Variants in KLHL32 observed in about 807,000 individuals in gnomAD.
KLHL32 encodes the protein kelch-like protein 32.
KLHL32 carries 35 observed loss-of-function variants against 64.8 expected under a neutral mutation model. That is an observed-to-expected ratio of 0.54 (90% CI 0.41 to 0.72). The LOEUF is 0.72. Among genes scored for constraint, KLHL32 ranks in the 30% least tolerant of loss-of-function variants. KLHL32 has a pLI of 0.00. For synonymous variants in KLHL32, 259 were observed against 281.0 expected (o/e 0.92, Z 0.78); for missense variants, 589 against 768.5 (o/e 0.77, Z 2.76).
At chr6:97,023,921 T>C (rs1782359492) in intron 3 of KLHL32, among the ~76,000 whole-genome samples, 1 of 152,176 alleles carries the variant, frequency 6.6e-6, no homozygotes, top group African/African-American at 2.4e-5. Context: ...CCTAAAGCAA[T>C]TGTGACTTTT....
At chr6:97,039,523 G>T (rs1784805428) in intron 3 of KLHL32, among the ~76,000 whole-genome samples, 1 of 104,950 alleles carries the variant, frequency 9.5e-6, no homozygotes, top group Non-Finnish European at 2.0e-5. Flanking sequence ...TTGTACACTT[G>T]AAAATAGCTA....
the KLHL32 span, among the ~76,000 whole-genome samples, chr6:96,910,572 T>C: frequency 6.6e-6 from 1 of 152,244 alleles, no homozygotes; most frequent in Non-Finnish European, 1.5e-5. Context: ...ATATGTTTAA[T>C]TGTACTTAAT....
chr6:97,027,976 G>A (rs1036581727), intron 3 of KLHL32, among the ~76,000 whole-genome samples: 4 of 152,162 alleles, frequency 2.6e-5, no homozygotes, highest in Non-Finnish European at 5.9e-5. Context: ...CTATCAAGAG[G>A]GTGATTGGAA....
At chr6:97,019,674 A>G (rs1267125666) in intron 3 of KLHL32, among the ~76,000 whole-genome samples, 2 of 152,198 alleles carry the variant, frequency 1.3e-5, no homozygotes, top group Non-Finnish European at 2.9e-5. Context: ...GCATTTATTT[A>G]AAAATAGGAG....
chr6:96,963,931 A>C (rs971692544), intron 1 of KLHL32, among the ~76,000 whole-genome samples: 27 of 152,214 alleles, frequency 1.8e-4, no homozygotes, highest in African/African-American at 6.5e-4. Context: ...GTAGATGATC[A>C]CAGTTGAAAG....
chr6:97,047,752 G>A (rs184326218), intron 4 of KLHL32, among the ~76,000 whole-genome samples: 1 of 152,302 alleles, frequency 6.6e-6, no homozygotes, highest in East Asian at 1.9e-4. Flanking sequence ...CCACCCAGGA[G>A]CAGGCAGGTG....
chr6:97,096,374 A>G (rs1562332240), intron 6 of KLHL32, among the ~76,000 whole-genome samples: 1 of 152,210 alleles, frequency 6.6e-6, no homozygotes, highest in Non-Finnish European at 1.5e-5. Context: ...CCTAAATCAT[A>G]ATACTCCCAC....
At chr6:96,910,528 T>A in the KLHL32 span, among the ~76,000 whole-genome samples, 2 of 152,374 alleles carry the variant, frequency 1.3e-5, no homozygotes, top group African/African-American at 4.8e-5. Context: ...CCTCCACATA[T>A]CTACAGCACT....
chr6:97,081,145 G>T (rs1426329290), intron 5 of KLHL32, among the ~76,000 whole-genome samples: 3 of 152,214 alleles, frequency 2.0e-5, no homozygotes, highest in Non-Finnish European at 4.4e-5. Context: ...AAGCCCCAGG[G>T]TTGGTGAGGA....
chr6:97,106,698 T>G (rs1295414704), intron 6 of KLHL32, among the ~76,000 whole-genome samples: 1 of 151,108 alleles, frequency 6.6e-6, no homozygotes, highest in African/African-American at 2.4e-5. Context: ...GAGCTGAGAT[T>G]GCGCCACTGC....
At chr6:96,910,656 G>T in the KLHL32 span, among the ~76,000 whole-genome samples, 1 of 152,148 alleles carries the variant, frequency 6.6e-6, no homozygotes, top group Non-Finnish European at 1.5e-5. Context: ...AAAATCAATT[G>T]TATCTTAATG....
intron 1 of KLHL32, among the ~76,000 whole-genome samples, chr6:96,947,275 C>T (rs986143864): frequency 6.6e-6 from 1 of 152,198 alleles, no homozygotes; most frequent in Non-Finnish European, 1.5e-5. Flanking sequence ...CCTGTGTAAG[C>T]CTGAAGCTCA....
chr6:97,042,604 A>G (rs1785290047), intron 4 of KLHL32, among the ~76,000 whole-genome samples: 2 of 140,304 alleles, frequency 1.4e-5, no homozygotes, highest in African/African-American at 6.1e-5. Context: ...TAACAAATTT[A>G]TCACCTCACC....
intron 5 of KLHL32, among the ~76,000 whole-genome samples, chr6:97,079,811 A>G (rs1465501448): frequency 6.6e-6 from 1 of 152,198 alleles, no homozygotes; most frequent in African/African-American, 2.4e-5. Context: ...ATAATTCTGA[A>G]TAGAAACTAA....
At chr6:96,982,125 G>T (rs1476882759) in intron 3 of KLHL32, among the ~76,000 whole-genome samples, 3 of 152,098 alleles carry the variant, frequency 2.0e-5, no homozygotes. Context: ...CTGCCTCAAT[G>T]ATCTATCTAA....
chr6:97,035,311 C>T (rs940512468), intron 3 of KLHL32, among the ~76,000 whole-genome samples: 3 of 152,006 alleles, frequency 2.0e-5, no homozygotes, highest in African/African-American at 7.2e-5. Flanking sequence ...TATTGTGTAT[C>T]CATCAACAAA....
At chr6:97,091,213 A>T (rs1436677178) in intron 6 of KLHL32, among the ~76,000 whole-genome samples, 1 of 152,042 alleles carries the variant, frequency 6.6e-6, no homozygotes, top group East Asian at 1.9e-4. Flanking sequence ...TGTCTGGAAG[A>T]AAAAAAACAA....
chr6:97,097,775 A>AT (rs1795187712), intron 6 of KLHL32, among the ~76,000 whole-genome samples: 1 of 151,646 alleles, frequency 6.6e-6, no homozygotes, highest in Non-Finnish European at 1.5e-5. Context: ...TTCCATTCCG[A>AT]TTGTGCAGTG....
intron 3 of KLHL32, among the ~76,000 whole-genome samples, chr6:96,985,427 A>G (rs1390203331): frequency 6.6e-6 from 1 of 152,122 alleles, no homozygotes; most frequent in African/African-American, 2.4e-5. Context: ...CTGCCTTGCT[A>G]GGTTGGGGAA....
Sources: gnomAD v4.1 joint callset for allele counts (sites outside exome capture counted in the v4.1 genomes callset) on GRCh38, gnomAD v4.1.1 for gene constraint, MANE v1.5 for transcripts, NCBI Gene and HGNC (gene_info 2026-07-23, HGNC 2026-07-21) for gene names.